OLA1: variants seen among roughly 807,000 people sequenced by gnomAD.
OLA1 encodes the protein obg-like ATPase 1.
A neutral mutation model predicts 48.4 loss-of-function variants in OLA1; 14 were observed. That is an observed-to-expected ratio of 0.29 (90% CI 0.19 to 0.45). The LOEUF is 0.45. Among genes scored for constraint, OLA1 ranks in the 20% least tolerant of loss-of-function variants. The pLI is 1.00. For synonymous variants in OLA1, 127 were observed against 150.4 expected (o/e 0.84, Z 1.14); for missense variants, 325 against 467.1 (o/e 0.70, Z 2.80).
chr2:174,154,799 A>C (rs1033984895), intron 4 of OLA1, among the ~76,000 whole-genome samples: 1 of 152,234 alleles, frequency 6.6e-6, no homozygotes, highest in African/African-American at 2.4e-5. Context: ...GGACATGTGA[A>C]CCATTCATTA....
intron 5 of OLA1, among the ~76,000 whole-genome samples, chr2:174,128,509 C>T (rs1373056827): frequency 1.3e-5 from 2 of 151,702 alleles, no homozygotes; most frequent in Non-Finnish European, 2.9e-5. Flanking sequence ...GCAGGTGGAT[C>T]ACCTGAGGTC....
intron 4 of OLA1, among the ~76,000 whole-genome samples, chr2:174,220,543 T>C (rs904942402): frequency 6.6e-6 from 1 of 152,118 alleles, no homozygotes; most frequent in Non-Finnish European, 1.5e-5. Context: ...ATGAGAAAAA[T>C]GGTCACATCT....
chr2:174,156,318 A>G (rs1305421281), intron 4 of OLA1, among the ~76,000 whole-genome samples: 1 of 152,136 alleles, frequency 6.6e-6, no homozygotes, highest in East Asian at 1.9e-4. Flanking sequence ...CAAGCACCCC[A>G]GCTATAAAGA....
intron 4 of OLA1, among the ~76,000 whole-genome samples, chr2:174,189,239 C>T (rs79333524): frequency 6.6e-6 from 1 of 151,818 alleles, no homozygotes; most frequent in African/African-American, 2.4e-5. Context: ...AATAAAAGTA[C>T]TGAAAGAAAA....
chr2:174,161,715 CATAG>C (rs1195450888), intron 4 of OLA1, among the ~76,000 whole-genome samples: 5 of 132,922 alleles, frequency 3.8e-5, no homozygotes, highest in South Asian at 4.8e-4. Flanking sequence ...CACACACACA[CATAG>C]ATAGATAGAC....
At chr2:174,235,457 C>T (rs926936002) in intron 2 of OLA1, among the ~76,000 whole-genome samples, 1 of 152,132 alleles carries the variant, frequency 6.6e-6, no homozygotes, top group East Asian at 1.9e-4. Flanking sequence ...CTACAAAGAG[C>T]TAGAAAACCA....
Position 174,151,450 on chromosome 2 carries a change from T to G in OLA1, c.374-9450A>C, listed in dbSNP as rs145698728. 5.2e-3 allele frequency among the ~76,000 whole-genome samples: 785 copies of G among 152,344 alleles called. 4 individuals carry two copies. The highest frequency in any genetic ancestry group is 0.018 in the African/African-American group (762 of 41,574). The stretch of plus-strand genomic sequence containing the variant: ...TTTTACATTGCTTTCCAGTTTGTCC[T>G]ACGCGTTAACAGTAAATGTTTTGAG... On this transcript the variant is annotated intron_variant, in intron 4 of 10. Transcript: ENST00000284719.
At chr2:174,095,943 A>G (rs945489388) in intron 7 of OLA1, among the ~76,000 whole-genome samples, 1 of 152,104 alleles carries the variant, frequency 6.6e-6, no homozygotes, top group Non-Finnish European at 1.5e-5. Context: ...ATAAAAATAT[A>G]ATAATATAGC....
rs528954660 is a variant in OLA1, at chr2:174,084,889, A to G, written c.729-2825T>C. On this transcript the variant is annotated intron_variant, in intron 7 of 10. Transcript: ENST00000284719. The stretch of plus-strand genomic sequence containing the variant: ...TCATCCAGTTGCTAGTGATCAAAAT[A>G]ATAATGATATTGTCAAAGAATATCA... Among the ~76,000 whole-genome samples the G allele has an allele frequency of 1.1e-3, 164 of 152,356 alleles. 2 individuals are homozygous for G. Among genetic ancestry groups the G allele is most frequent in the African/African-American group, 3.5e-3 (145 of 41,582 alleles).
intron 7 of OLA1, among the ~76,000 whole-genome samples, chr2:174,110,728 C>G (rs1197312715): frequency 6.6e-6 from 1 of 152,156 alleles, no homozygotes; most frequent in Non-Finnish European, 1.5e-5. Context: ...ACTATAGGCG[C>G]ATGCCACTGT....
At chr2:174,204,229 G>A (rs916785961) in intron 4 of OLA1, among the ~76,000 whole-genome samples, 5 of 151,918 alleles carry the variant, frequency 3.3e-5, no homozygotes, top group Non-Finnish European at 7.4e-5. Flanking sequence ...GTGAAACCCC[G>A]TCTCCACTAA....
At chr2:174,224,503 G>A (rs1366874835) in intron 3 of OLA1, among the ~76,000 whole-genome samples, 2 of 152,082 alleles carry the variant, frequency 1.3e-5, no homozygotes, top group African/African-American at 2.4e-5. Flanking sequence ...AGGCATGGTG[G>A]CATACATCTG....
chr2:174,151,329 C>G (rs2105388428), intron 4 of OLA1, among the ~76,000 whole-genome samples: 1 of 152,270 alleles, frequency 6.6e-6, no homozygotes, highest in East Asian at 1.9e-4. Context: ...AACCACTCTT[C>G]TAAAATGCAA....
Position 174,150,638 on chromosome 2 carries a change from AC to A in OLA1, c.374-8639del, listed in dbSNP as rs1437425146. Among the ~76,000 whole-genome samples, 3 of 152,222 alleles carry A rather than the reference AC, an allele frequency of 2.0e-5. No homozygotes were observed. The East Asian group carries it at 5.8e-4, about 29-fold the overall frequency. On this transcript the variant is annotated intron_variant, in intron 4 of 10. Coordinates refer to ENST00000284719, the MANE Select transcript of OLA1 (RefSeq NM_013341.5). Reference sequence around the variant, plus strand: ...TATATAAACCAATGCATAAACTGCCACCCTTTCAACACATATGCAAACTACA... The same window carrying A: ...TATATAAACCAATGCATAAACTGCCACCTTTCAACACATATGCAAACTACA...
At chr2:174,189,183 T>C (rs1374101620) in intron 4 of OLA1, among the ~76,000 whole-genome samples, 2 of 152,106 alleles carry the variant, frequency 1.3e-5, no homozygotes, top group East Asian at 1.9e-4. Context: ...TCTCAGTGCA[T>C]ATAAACTGTA....
At chr2:174,185,283 C>T (rs1207874372) in intron 4 of OLA1, among the ~76,000 whole-genome samples, 1 of 152,066 alleles carries the variant, frequency 6.6e-6, no homozygotes. Context: ...TTGCAGAAAA[C>T]ACAAACACAT....
intron 7 of OLA1, among the ~76,000 whole-genome samples, chr2:174,118,851 C>T (rs1350345773): frequency 6.6e-6 from 1 of 151,910 alleles, no homozygotes; most frequent in Non-Finnish European, 1.5e-5. Context: ...TACAAACAGG[C>T]CAAGGGAAAT....
intron 7 of OLA1, among the ~76,000 whole-genome samples, chr2:174,095,325 GTTTTTTTTTT>G (rs1205716344): frequency 5.1e-5 from 4 of 78,010 alleles, no homozygotes; most frequent in African/African-American, 2.0e-4. Context: ...GTTATTTCCT[GTTTTTTTTTT>G]TTTTTTTTTT....
At chr2:174,149,405 T>C (rs1157226751) in intron 4 of OLA1, among the ~76,000 whole-genome samples, 1 of 152,166 alleles carries the variant, frequency 6.6e-6, no homozygotes, top group East Asian at 1.9e-4. Flanking sequence ...TACCCCTCTA[T>C]TACACTTTCA....
Sources: allele counts gnomAD v4.1 joint callset (sites outside exome capture counted in the v4.1 genomes callset), GRCh38; gene constraint gnomAD v4.1.1; transcripts MANE v1.5; gene names NCBI Gene and HGNC (gene_info 2026-07-23, HGNC 2026-07-21).